CACNB2: variants seen among roughly 807,000 people sequenced by gnomAD.
The protein encoded by CACNB2 is voltage-dependent L-type calcium channel subunit beta-2.
A neutral mutation model predicts 73.3 loss-of-function variants in CACNB2; 42 were observed. The ratio of observed to expected loss-of-function variants is 0.57; its 90% confidence interval spans 0.45 to 0.74. CACNB2 has a LOEUF of 0.74. CACNB2 is among the 30% of genes least tolerant of loss of function. The probability of loss-of-function intolerance (pLI) is 0.00; values close to 1 mark genes in which losing one functional copy is unlikely to be tolerated. For synonymous variants in CACNB2, 348 were observed against 310.3 expected, an observed-to-expected ratio of 1.12 and a Z score of -1.28; for missense variants, 940 against 853.0, an observed-to-expected ratio of 1.10 and a Z score of -1.27.
At position 18,539,356 on chromosome 10, in the gene CACNB2, C is replaced by T; in HGVS notation, c.1615C>T (p.His539Tyr). 6.2e-7 allele frequency: 1 copy of T among 1,614,126 alleles called. No homozygotes were observed. Among genetic ancestry groups the T allele is most frequent in the East Asian group, 2.2e-5 (1 of 44,868 alleles). ...QHRSSSSAPH[H>Y]NHRSGTSRGL... is the part of the protein sequence containing the mutation. Reference sequence around the variant, plus strand: ...CCGCTCTTCCTCCTCAGCCCCACACCACAACCATCGCAGTGGGACAAGTCG... The same window carrying T: ...CCGCTCTTCCTCCTCAGCCCCACACTACAACCATCGCAGTGGGACAAGTCG... The change falls in exon 14 of 14, where the codon CAC (histidine) becomes TAC (tyrosine). Residue 539 changes from histidine (H) to tyrosine (Y), a missense_variant. Coordinates refer to ENST00000324631, the MANE Select transcript of CACNB2 (RefSeq NM_201596.3).
chr10:18,373,347 G>A (rs1251561819), intron 2 of CACNB2, among the ~76,000 whole-genome samples: 1 of 152,004 alleles, frequency 6.6e-6, no homozygotes, highest in Non-Finnish European at 1.5e-5. Context: ...CTATATTTTG[G>A]TCTCCCAAAC....
intron 3 of CACNB2, among the ~76,000 whole-genome samples, chr10:18,496,574 A>T (rs2132990517): frequency 6.6e-6 from 1 of 152,266 alleles, no homozygotes; most frequent in African/African-American, 2.4e-5. Context: ...GCACTTTGGG[A>T]GGCCAAGGCA....
chr10:18,331,150 T>G (rs1272852291), intron 2 of CACNB2, among the ~76,000 whole-genome samples: 3 of 152,098 alleles, frequency 2.0e-5, no homozygotes, highest in Non-Finnish European at 4.4e-5. Context: ...CATGCCCAGC[T>G]AATTTTTGTA....
At chr10:18,378,698 C>G (rs367830888) in intron 2 of CACNB2, among the ~76,000 whole-genome samples, 1 of 152,232 alleles carries the variant, frequency 6.6e-6, no homozygotes, top group African/African-American at 2.4e-5. Context: ...CTGGAGTGAG[C>G]TATGATGGCA....
intron 3 of CACNB2, among the ~76,000 whole-genome samples, chr10:18,463,389 T>C (rs373901435): frequency 5.9e-5 from 9 of 152,104 alleles, no homozygotes; most frequent in African/African-American, 2.2e-4. Flanking sequence ...GTGTTCTTTG[T>C]TTCTCACCTT....
intron 2 of CACNB2, among the ~76,000 whole-genome samples, chr10:18,220,950 A>G (rs1237312522): frequency 6.6e-6 from 1 of 152,194 alleles, no homozygotes; most frequent in East Asian, 1.9e-4. Flanking sequence ...AGAGGGCCCT[A>G]AATGGATGAA....
At chr10:18,356,950 T>TTTCC (rs1554799776) in intron 2 of CACNB2, among the ~76,000 whole-genome samples, 1 of 124,666 alleles carries the variant, frequency 8.0e-6, no homozygotes, top group Non-Finnish European at 1.7e-5. Flanking sequence ...TTCTTTTTTT[T>TTTCC]TTTTTTTTTT....
At chr10:18,438,914 A>T (rs1250237714) in intron 3 of CACNB2, among the ~76,000 whole-genome samples, 4 of 152,260 alleles carry the variant, frequency 2.6e-5, no homozygotes, top group Admixed American at 2.0e-4. Flanking sequence ...AAAGCAGAAC[A>T]CATCAGATTA....
chr10:18,217,433 A>G (rs2035557189), intron 2 of CACNB2, among the ~76,000 whole-genome samples: 1 of 152,068 alleles, frequency 6.6e-6, no homozygotes, highest in South Asian at 2.1e-4. Flanking sequence ...GCAGTGAGCC[A>G]AGATCGTGCC....
At chr10:18,212,818 C>G (rs1370440500) in intron 2 of CACNB2, among the ~76,000 whole-genome samples, 2 of 152,132 alleles carry the variant, frequency 1.3e-5, no homozygotes, top group African/African-American at 4.8e-5. Flanking sequence ...CTGGAATCCC[C>G]CCTTCTGCCC....
chr10:18,476,404 A>G (rs147616461), intron 3 of CACNB2, among the ~76,000 whole-genome samples: 83 of 152,306 alleles, frequency 5.4e-4, no homozygotes, highest in African/African-American at 2.0e-3. Flanking sequence ...AGAGCAGCCA[A>G]AGCAAGCAGC....
chr10:18,455,966 A>G (rs997952415), intron 3 of CACNB2, among the ~76,000 whole-genome samples: 1 of 152,180 alleles, frequency 6.6e-6, no homozygotes, highest in Non-Finnish European at 1.5e-5. Flanking sequence ...TGATGTTTCT[A>G]TTTATACCAA....
chr10:18,411,408 A>G (rs887193660), intron 3 of CACNB2, among the ~76,000 whole-genome samples: 6 of 152,214 alleles, frequency 3.9e-5, no homozygotes, highest in African/African-American at 1.4e-4. Context: ...TGATAATATT[A>G]ATAATGACAA....
chr10:18,257,078 A>T (rs1343779492), intron 2 of CACNB2: 1 of 152,256 alleles, frequency 6.6e-6, no homozygotes, highest in African/African-American at 2.4e-5. Flanking sequence ...CTATTGGGCC[A>T]ATATGGCAGC....
intron 2 of CACNB2, among the ~76,000 whole-genome samples, chr10:18,237,677 T>A (rs2036499235): frequency 6.6e-6 from 1 of 152,088 alleles, no homozygotes; most frequent in Non-Finnish European, 1.5e-5. Flanking sequence ...GATCTTGACG[T>A]TGGAATGGTT....
chr10:18,508,742 C>G (rs915338605), intron 6 of CACNB2, among the ~76,000 whole-genome samples: 1 of 152,030 alleles, frequency 6.6e-6, no homozygotes, highest in Non-Finnish European at 1.5e-5. Context: ...GTGGACAGAC[C>G]CAGTAAAAAG....
chr10:18,460,466 T>C (rs1392333749), intron 3 of CACNB2, among the ~76,000 whole-genome samples: 1 of 152,186 alleles, frequency 6.6e-6, no homozygotes, highest in Non-Finnish European at 1.5e-5. Flanking sequence ...TATTTCAAAA[T>C]TATTTCTATT....
intron 3 of CACNB2, among the ~76,000 whole-genome samples, chr10:18,414,960 T>C (rs952589962): frequency 1.3e-5 from 2 of 152,150 alleles, no homozygotes; most frequent in African/African-American, 4.8e-5. Context: ...GCCCCATCAA[T>C]GGCTACATAA....
chr10:18,353,607 CAA>C (rs1204181190), intron 2 of CACNB2, among the ~76,000 whole-genome samples: 1 of 152,016 alleles, frequency 6.6e-6, no homozygotes, highest in Admixed American at 6.6e-5. Flanking sequence ...TAAAATTAAC[CAA>C]AGACTCTAAT....
Sources: gnomAD v4.1 joint callset for allele counts (sites outside exome capture counted in the v4.1 genomes callset) on GRCh38, gnomAD v4.1.1 for gene constraint, MANE v1.5 for transcripts, NCBI Gene and HGNC (gene_info 2026-07-23, HGNC 2026-07-21) for gene names.